Variants in MEGF6 observed in about 807,000 individuals in gnomAD.
MEGF6 encodes the protein multiple epidermal growth factor-like domains protein 6.
MEGF6 carries 184 observed loss-of-function variants against 207.1 expected under a neutral mutation model. The ratio of observed to expected loss-of-function variants is 0.89; its 90% CI spans 0.79 to 1.00. The LOEUF (loss-of-function observed/expected upper bound fraction) is 1.00. Ranked by LOEUF, MEGF6 falls within the 50% of genes least tolerant of loss-of-function variation. MEGF6 has a pLI of 0.00. For synonymous variants in MEGF6, 1,038 were observed against 910.0 expected (o/e 1.14, Z -2.53); for missense variants, 2,282 against 2,202.9 (o/e 1.04, Z -0.72).
At chr1:3,522,285 AG>A (rs1641782819) in intron 5 of MEGF6, among the ~76,000 whole-genome samples, 1 of 152,106 alleles carries the variant, frequency 6.6e-6, no homozygotes, top group African/African-American at 2.4e-5. Context: ...CCATGGGGTG[AG>A]GAAGCCAGGA....
chr1:3,502,089 C>CGTGCCTCACATGGGCT (rs1557724682), intron 17 of MEGF6, among the ~76,000 whole-genome samples, 168 bp from the exon 18 acceptor site: 1 of 52,844 alleles, frequency 1.9e-5, no homozygotes, highest in African/African-American at 6.7e-5. Flanking sequence ...GTGTGCCCCC[C>CGTGCCTCACATGGGCT]CGCGCCTCCT....
intron 4 of MEGF6, among the ~76,000 whole-genome samples, chr1:3,540,954 G>A (rs967245328): frequency 1.3e-5 from 2 of 152,228 alleles, no homozygotes; most frequent in Admixed American, 1.3e-4. Flanking sequence ...TGGGGACTGG[G>A]AATGAGTAAG....
At chr1:3,498,183 G>A (rs1364376486) in intron 26 of MEGF6, among the ~76,000 whole-genome samples, 188 bp downstream of exon 26, 4 of 152,194 alleles carry the variant, frequency 2.6e-5, no homozygotes, top group African/African-American at 9.7e-5. Flanking sequence ...TGTCCCCACA[G>A]GCCAGCTTCC....
At chr1:3,500,378 C>T (rs537518688) in intron 21 of MEGF6, among the ~76,000 whole-genome samples, 2 of 152,358 alleles carry the variant, frequency 1.3e-5, no homozygotes, top group East Asian at 3.9e-4. Flanking sequence ...GTCCAGGCTG[C>T]GAAGCAGAGC....
chr1:3,496,956 C>T (rs1400210692), intron 28 of MEGF6, 32 bp downstream of exon 28: 9 of 1,544,958 alleles, frequency 5.8e-6, no homozygotes, highest in African/African-American at 2.7e-5. Flanking sequence ...GCAGCACTGC[C>T]GAGTCCCTGG....
In MEGF6 at chr1:3,494,409, C is replaced by A. The variant is rs12075570; in HGVS notation, c.4091G>T (p.Arg1364Leu). The change falls in exon 32 of 37, where the codon CGC becomes CTC. Residue 1364 changes from arginine (R) to leucine (L), a missense_variant. Transcript: ENST00000356575. ...CTGGCCATAGAAGCCGGGGCCGCAG[C>A]GGCAGGTGCCCGTGGCAGGCTCACA... ...STCEPATGTCRCGPGFYGQAC... is the reference protein window; with the variant it reads ...STCEPATGTCLCGPGFYGQAC... 1 of 1,549,152 alleles carries A rather than the reference C, an allele frequency of 6.5e-7. No individual in the cohort carries two copies. Among genetic ancestry groups the A allele is most frequent in the South Asian group, 1.2e-5 (1 of 84,444 alleles).
intron 4 of MEGF6, among the ~76,000 whole-genome samples, chr1:3,555,981 C>G (rs7512442): frequency 0.046 from 7,046 of 152,342 alleles, 227 homozygotes; most frequent in African/African-American, 0.077. Flanking sequence ...GGCTACATCT[C>G]AAGTCTGCCC....
At chr1:3,567,130 T>C (rs1456749369) in intron 4 of MEGF6, among the ~76,000 whole-genome samples, 3 of 152,234 alleles carry the variant, frequency 2.0e-5, no homozygotes, top group Non-Finnish European at 1.5e-5. Context: ...TGCTGGCAGA[T>C]GGGCAACGCC....
At position 3,512,139 on chromosome 1, in the gene MEGF6, G is replaced by A. The variant is rs1426842403; in HGVS notation, c.854-11C>T. 8 of 1,597,052 alleles carry A rather than the reference G, an allele frequency of 5.0e-6. No individual in the cohort carries two copies. Among genetic ancestry groups the A allele is most frequent in the Non-Finnish European group, 6.8e-6 (8 of 1,168,644 alleles). On this transcript the variant is annotated splice_polypyrimidine_tract_variant and intron_variant, in intron 7 of 36. Transcript: ENST00000356575. Reference sequence around the variant, plus strand: ...CACATTCGTCCACATCTGGAGGGGAGAGACCACAGGGAGGGCTCAGAGGTG... The same window carrying A: ...CACATTCGTCCACATCTGGAGGGGAAAGACCACAGGGAGGGCTCAGAGGTG...
chr1:3,499,458 C>G, intron 23 of MEGF6, 130 bp downstream of exon 23: 1 of 1,430,972 alleles, frequency 7.0e-7, no homozygotes, highest in Non-Finnish European at 9.3e-7. Flanking sequence ...CCCGAGTGAG[C>G]AAAGCATCAC....
upstream of MEGF6, among the ~76,000 whole-genome samples, chr1:3,612,832 C>T (rs1472173766): frequency 1.3e-5 from 2 of 152,200 alleles, no homozygotes; most frequent in African/African-American, 2.4e-5. Flanking sequence ...TCTGTGCCTC[C>T]ACACCACCTG....
At position 3,611,342 on chromosome 1, in the gene MEGF6, C is replaced by T; in HGVS notation, c.-74G>A. 1 of 1,378,164 alleles carries T rather than the reference C, an allele frequency of 7.3e-7. No homozygotes were observed. Among genetic ancestry groups the T allele is most frequent in the Middle Eastern group, 2.0e-4 (1 of 4,934 alleles). The allele number at this position is 1,378,164 out of a possible 1,614,324, so 85.4% of individuals were successfully genotyped here. ...CGGCTCCCCGGAGCCTCCGCCTCCA[C>T]GTGCGCCATAGGACGCAGCCACAGG... is the stretch of plus-strand genomic sequence containing the variant. On this transcript the variant is annotated 5_prime_UTR_variant, in exon 1 of 37. The change creates a new upstream start codon in the 5' untranslated region. Transcript: ENST00000356575.
intron 4 of MEGF6, among the ~76,000 whole-genome samples, chr1:3,544,077 A>G (rs530466384): frequency 6.6e-6 from 1 of 152,196 alleles, no homozygotes; most frequent in African/African-American, 2.4e-5. Context: ...AGGAGGCGGG[A>G]GTGTGGTCAG....
chr1:3,580,836 AC>A (rs919224878), intron 3 of MEGF6, among the ~76,000 whole-genome samples: 2 of 151,618 alleles, frequency 1.3e-5, no homozygotes, highest in Admixed American at 6.6e-5. Flanking sequence ...GTGACCTGAG[AC>A]CCCCTGCCCC....
chr1:3,522,294 G>A lies in MEGF6; in HGVS notation c.604+1830C>T, dbSNP rs755789907. Among the ~76,000 whole-genome samples the A allele has an allele frequency of 2.0e-5, 3 of 152,286 alleles. No homozygotes were observed. In the East Asian group the frequency reaches 5.8e-4, roughly 29 times the overall value. On this transcript the variant is annotated intron_variant, in intron 5 of 36. Coordinates refer to ENST00000356575, the MANE Select transcript of MEGF6 (RefSeq NM_001409.4). The stretch of plus-strand genomic sequence containing the variant: ...GGCCCTCCATGGGGTGAGGAAGCCA[G>A]GAGCCGGGCACCAGCCCTGGAGAAG...
intron 4 of MEGF6, among the ~76,000 whole-genome samples, chr1:3,577,625 G>T (rs186909184): frequency 1.1e-4 from 17 of 152,332 alleles, no homozygotes; most frequent in African/African-American, 3.8e-4. Context: ...CGGTGACTGG[G>T]GCATGGGGCT....
At chr1:3,621,297 C>T in the MEGF6 span, among the ~76,000 whole-genome samples, 4 of 152,220 alleles carry the variant, frequency 2.6e-5, no homozygotes, top group Non-Finnish European at 4.4e-5. Flanking sequence ...TGGTAACAGG[C>T]GTCTTCCCAG....
rs117113675 is a variant in MEGF6 at position 3,509,158 on chromosome 1, G to A, written c.1445C>T (p.Pro482Leu). 7.2e-4 allele frequency: 1,139 copies of A among 1,585,172 alleles called. 15 individuals are homozygous for A. In the East Asian group the frequency reaches 0.02, roughly 28 times the overall value. ...GACGTCGTCATCCTGGAAGAGTTGCGGCAGCTCGTCCTGGAGCACGGCAAT... is the reference window on the plus strand; with the variant it reads ...GACGTCGTCATCCTGGAAGAGTTGCAGCAGCTCGTCCTGGAGCACGGCAAT... ...PHIAVLQDEL[P>L]QLFQDDDVGA... The change falls in exon 12 of 37, where the codon CCG becomes CTG. Residue 482 changes from proline to leucine, a missense_variant. Transcript: ENST00000356575.
chr1:3,611,412 A>C lies in MEGF6; in HGVS notation c.-144T>G, dbSNP rs1644324932. Reference sequence around the variant, plus strand: ...GAGCCCAAGGTCGCTGCAGGTGCGGAGCGTCCCGGCTTCCCGCCCGCGCCC... The same window carrying C: ...GAGCCCAAGGTCGCTGCAGGTGCGGCGCGTCCCGGCTTCCCGCCCGCGCCC... On this transcript the variant is annotated 5_prime_UTR_variant, in exon 1 of 37. Transcript: ENST00000356575. The C allele has an allele frequency of 8.4e-7, 1 of 1,185,326 alleles. No homozygotes were observed. The highest frequency in any genetic ancestry group is 1.1e-6 in the Non-Finnish European group (1 of 918,480). 73.4% of individuals were successfully genotyped at this position (1,185,326 alleles called of 1,614,324 possible). A position where few individuals can be genotyped will look rare whatever the true frequency, so the allele number is the denominator to read the frequency against.
Sources: allele counts gnomAD v4.1 joint callset (sites outside exome capture counted in the v4.1 genomes callset), GRCh38; gene constraint gnomAD v4.1.1; transcripts MANE v1.5; gene names NCBI Gene and HGNC (gene_info 2026-07-23, HGNC 2026-07-21).